GPBP1L1: variants seen among roughly 807,000 people sequenced by gnomAD.
GPBP1L1 encodes the protein GC-rich promoter binding protein 1 like 1, also known as vasculin-like protein 1.
GPBP1L1 carries 23 observed loss-of-function variants against 52.5 expected under a neutral mutation model. The ratio of observed to expected loss-of-function variants is 0.44; its 90% confidence interval spans 0.32 to 0.62. The LOEUF (loss-of-function observed/expected upper bound fraction) is 0.62, where lower values mean the gene tolerates loss of function less well. GPBP1L1 is among the 20% of genes least tolerant of loss of function. The probability of loss-of-function intolerance (pLI) is 0.06; values close to 1 mark genes in which losing one functional copy is unlikely to be tolerated. For missense variants in GPBP1L1, 596 were observed against 579.3 expected (o/e 1.03, Z -0.30); for synonymous variants, 243 against 203.1 (o/e 1.20, Z -1.67).
intron 2 of GPBP1L1, among the ~76,000 whole-genome samples, chr1:45,674,100 T>C (rs764923504): frequency 2.0e-5 from 3 of 152,140 alleles, no homozygotes; most frequent in Admixed American, 1.3e-4. Flanking sequence ...CAATAACCTG[T>C]GAATCCCCAA....
Position 45,685,636 on chromosome 1 carries a change from A to C in GPBP1L1, c.-1142-16T>G, listed in dbSNP as rs754176551. 2 of 152,278 alleles carry C rather than the reference A, an allele frequency of 1.3e-5. No individual in the cohort carries two copies. Among genetic ancestry groups the C allele is most frequent in the East Asian group, 1.9e-4 (1 of 5,202 alleles). 9.4% of individuals were successfully genotyped at this position (152,278 alleles called of 1,614,324 possible). A position where few individuals can be genotyped will look rare whatever the true frequency, so the allele number is the denominator to read the frequency against. On this transcript the variant is annotated splice_polypyrimidine_tract_variant and intron_variant, in intron 1 of 12. Transcript: ENST00000355105. ...GAGACACCAACTGCAAAAAACCAAAATATCAAAAGATTCAGTTAATGTCCC... is the reference window on the plus strand; with the variant it reads ...GAGACACCAACTGCAAAAAACCAAACTATCAAAAGATTCAGTTAATGTCCC...
At chr1:45,628,464 A>C in intron 12 of GPBP1L1, 56 bp from the exon 13 acceptor site, 2 of 1,548,100 alleles carry the variant, frequency 1.3e-6, no homozygotes, top group South Asian at 2.3e-5. Flanking sequence ...GACTGTACTG[A>C]CCCATAAGCC....
At chr1:45,647,839 G>A (rs374179493) in intron 6 of GPBP1L1, among the ~76,000 whole-genome samples, 4 of 152,184 alleles carry the variant, frequency 2.6e-5, no homozygotes, top group Non-Finnish European at 4.4e-5. Flanking sequence ...TCTCAGCCCT[G>A]GGGTGGTGGT....
At position 45,639,787 on chromosome 1, in the gene GPBP1L1, A is replaced by G. The variant is rs541987719; in HGVS notation, c.744+423T>C. Among the ~76,000 whole-genome samples the G allele has an allele frequency of 9.3e-4, 142 of 152,190 alleles. 2 individuals carry two copies. In the South Asian group the frequency reaches 0.029, roughly 31 times the overall value. ...TCCCAGCTACTCGGGAGGCTGAGGA[A>G]GAATGGTGTGAACCCAGGAGGTGGA... On this transcript the variant is annotated intron_variant, in intron 8 of 12. Transcript: ENST00000355105.
At chr1:45,671,505 C>G (rs1645073373) in intron 2 of GPBP1L1, among the ~76,000 whole-genome samples, 2 of 152,152 alleles carry the variant, frequency 1.3e-5, no homozygotes, top group Non-Finnish European at 2.9e-5. Context: ...CATGCCCAGC[C>G]TCTCTGACTC....
In GPBP1L1 at chr1:45,659,042, G is replaced by C; in HGVS notation, c.46C>G (p.Pro16Ala). ...GAGAACAGTACCTTAGCTGACTGTG[G>C]TGTTGAGAAATTTAGCCAAGCAGGA... ...FVPAWLNFST[P>A]QSAKSPTATF... is the part of the protein sequence containing the mutation. The change falls in exon 4 of 13, where the codon CCA (proline) becomes GCA (alanine). Residue 16 changes from proline to alanine, a missense_variant. Physicochemically the swap from Pro to Ala is conservative, Grantham distance 27. Transcript: ENST00000355105. 6.2e-7 allele frequency: 1 copy of C among 1,609,462 alleles called. No individual in the cohort carries two copies. Among genetic ancestry groups the C allele is most frequent in the Non-Finnish European group, 8.5e-7 (1 of 1,175,728 alleles).
intron 6 of GPBP1L1, among the ~76,000 whole-genome samples, chr1:45,644,014 CAA>C (rs1179113564): frequency 6.6e-6 from 1 of 152,058 alleles, no homozygotes; most frequent in Non-Finnish European, 1.5e-5. Flanking sequence ...ATACAAACAA[CAA>C]AAAGACACCC....
chr1:45,642,559 C>A (rs1452799980), intron 6 of GPBP1L1, 60 bp from the exon 7 acceptor site: 1 of 1,246,222 alleles, frequency 8.0e-7, no homozygotes, highest in Non-Finnish European at 1.2e-6. Context: ...GCACTTTTCA[C>A]AAAGTAGCCA....
At chr1:45,685,404 G>A (rs2148531504) in intron 2 of GPBP1L1, among the ~76,000 whole-genome samples, 172 bp downstream of exon 2, 1 of 152,302 alleles carries the variant, frequency 6.6e-6, no homozygotes, top group South Asian at 2.1e-4. Flanking sequence ...AAATGTCAAT[G>A]TTAAAAATAT....
At chr1:45,643,295 G>C (rs921199583) in intron 6 of GPBP1L1, among the ~76,000 whole-genome samples, 9 of 152,232 alleles carry the variant, frequency 5.9e-5, no homozygotes, top group Non-Finnish European at 1.3e-4. Flanking sequence ...TGTGGGGAAA[G>C]AGGTATCTGG....
At chr1:45,674,957 T>C (rs1645120379) in intron 2 of GPBP1L1, among the ~76,000 whole-genome samples, 1 of 152,218 alleles carries the variant, frequency 6.6e-6, no homozygotes, top group South Asian at 2.1e-4. Context: ...CTTTAAATGC[T>C]TCCATGTAGT....
intron 6 of GPBP1L1, chr1:45,645,980 G>C: frequency 4.0e-6 from 2 of 500,522 alleles, no homozygotes; most frequent in South Asian, 1.5e-5. Context: ...TCAAAGCTGG[G>C]GCTCTACACT....
chr1:45,644,879 T>C lies in GPBP1L1; in HGVS notation c.478-2380A>G, dbSNP rs189296644. ...TTATAAAGTAGTATACTTCCATAAA[T>C]AGGAACTTCCCCTATTTGGCAATTC... is the stretch of plus-strand genomic sequence containing the variant. On this transcript the variant is annotated intron_variant, in intron 6 of 12. Transcript: ENST00000355105. 9.8e-4 allele frequency among the ~76,000 whole-genome samples: 149 copies of C among 152,352 alleles called. 3 individuals carry two copies. The highest frequency in any genetic ancestry group is 5.3e-4 in the Non-Finnish European group (36 of 68,032).
chr1:45,673,427 T>A (rs1160553493), intron 2 of GPBP1L1, among the ~76,000 whole-genome samples: 2 of 152,174 alleles, frequency 1.3e-5, no homozygotes, highest in Non-Finnish European at 1.5e-5. Flanking sequence ...GACTTTTGAC[T>A]CCCTGAAGTC....
chr1:45,628,187 A>AT lies in GPBP1L1; in HGVS notation c.*68dup. The AT allele has an allele frequency of 7.1e-7, 1 of 1,407,864 alleles. No homozygotes were observed. The highest frequency in any genetic ancestry group is 9.9e-7 in the Non-Finnish European group (1 of 1,012,684). The allele number at this position is 1,407,864 out of a possible 1,614,324, so 87.2% of individuals were successfully genotyped here. ...ACAACATAAGAAAAGGAAAAGAACGATTTCTTTTGTATACTCCCTAAACAC... is the reference window on the plus strand; with the variant it reads ...ACAACATAAGAAAAGGAAAAGAACGATTTTCTTTTGTATACTCCCTAAACAC... On this transcript the variant is annotated 3_prime_UTR_variant, in exon 13 of 13. Transcript: ENST00000355105.
chr1:45,686,546 G>C (rs1645289063), upstream of GPBP1L1: 1 of 152,654 alleles, frequency 6.6e-6, no homozygotes, highest in South Asian at 2.1e-4. Context: ...GGCCCACAAG[G>C]TCCAGGAGGG....
In GPBP1L1 at chr1:45,647,157, C is replaced by T. The variant is rs1385300761; in HGVS notation, c.478-4658G>A. On this transcript the variant is annotated intron_variant, in intron 6 of 12. Transcript: ENST00000355105. ...CAGATGATTTTTTTTTTTAAACCAA[C>T]TTCTTAGGATTTTTTTTTTTTTTTT... Among the ~76,000 whole-genome samples, 5 of 137,582 alleles carry T rather than the reference C, an allele frequency of 3.6e-5. No homozygotes were observed. In the East Asian group the frequency reaches 1.1e-3, roughly 30 times the overall value. 90.3% of individuals were successfully genotyped at this position (137,582 alleles called of 152,430 possible). A position where few individuals can be genotyped will look rare whatever the true frequency, so the allele number is the denominator to read the frequency against.
intron 10 of GPBP1L1, among the ~76,000 whole-genome samples, chr1:45,632,299 A>G (rs1644540643): frequency 6.6e-6 from 1 of 152,194 alleles, no homozygotes; most frequent in Non-Finnish European, 1.5e-5. Flanking sequence ...GCTACTTGGG[A>G]GGCTGAGGCA....
chr1:45,634,221 C>T lies in GPBP1L1; in HGVS notation c.760G>A (p.Ala254Thr), dbSNP rs765287949. 6.2e-7 allele frequency: 1 copy of T among 1,612,918 alleles called. No individual in the cohort carries two copies. The highest frequency in any genetic ancestry group is 8.5e-7 in the Non-Finnish European group (1 of 1,179,276). ...CCTGACTTGTGCTCCATCCTGTTAG[C>T]TTTCCATGCATTAGGCTACACAGGG... is the stretch of plus-strand genomic sequence containing the variant. ...PPPSKPNAWKANRMEHKSGSL... is the reference protein window; with the variant it reads ...PPPSKPNAWKTNRMEHKSGSL... The change falls in exon 9 of 13, where the codon GCT becomes ACT. Residue 254 changes from alanine (A) to threonine (T), a missense_variant. By Grantham distance (58) the Ala-to-Thr change is moderately conservative (BLOSUM62 0). Transcript: ENST00000355105.
Sources: allele counts gnomAD v4.1 joint callset (sites outside exome capture counted in the v4.1 genomes callset), GRCh38; gene constraint gnomAD v4.1.1; transcripts MANE v1.5; gene names NCBI Gene and HGNC (gene_info 2026-07-23, HGNC 2026-07-21).